CALU: variants seen among roughly 807,000 people sequenced by gnomAD.
CALU encodes the protein IEF SSP 9302.
In CALU, 13 loss-of-function variants were observed where a neutral mutation model predicts 37.5. The ratio of observed to expected loss-of-function variants is 0.35; its 90% CI spans 0.23 to 0.55. The LOEUF is 0.55. CALU is among the 20% of genes least tolerant of loss of function. The pLI is 0.89. For missense variants in CALU, 282 were observed against 391.7 expected, an observed-to-expected ratio of 0.72 and a Z score of 2.36; for synonymous variants, 114 against 133.8, an observed-to-expected ratio of 0.85 and a Z score of 1.02.
chr7:128,753,560 T>C (rs1211772697), intron 2 of CALU, among the ~76,000 whole-genome samples: 1 of 152,246 alleles, frequency 6.6e-6, no homozygotes, highest in Non-Finnish European at 1.5e-5. Context: ...TAATCAGATA[T>C]ACATTCTTAC....
Position 128,751,281 on chromosome 7 carries a change from C to T in CALU, c.221+2477C>T, listed in dbSNP as rs1245228645. Among the ~76,000 whole-genome samples the T allele has an allele frequency of 9.2e-5, 12 of 129,766 alleles. 1 individual carries two copies. The East Asian group carries it at 2.2e-3, about 24-fold the overall frequency. 85.1% of individuals were successfully genotyped at this position (129,766 alleles called of 152,430 possible). The stretch of plus-strand genomic sequence containing the variant: ...CCAGCCTGGCAACAAAGTGAGACTC[C>T]GTCTCAAAAAAAAAAAAAAAAAAAT... On this transcript the variant is annotated intron_variant, in intron 2 of 6. Transcript: ENST00000249364.
rs1419345129 is a variant in CALU at position 128,771,728 on chromosome 7, T to A, written c.*2561T>A. Reference sequence around the variant, plus strand: ...AGAGACCTGCTGCTCGTTATATAATTATCTGATACCAAACACAAGCGATTC... The same window carrying A: ...AGAGACCTGCTGCTCGTTATATAATAATCTGATACCAAACACAAGCGATTC... On this transcript the variant is annotated 3_prime_UTR_variant, in exon 7 of 7. Transcript: ENST00000249364. 2.0e-5 allele frequency: 3 copies of A among 152,234 alleles called. No homozygotes were observed. The highest frequency in any genetic ancestry group is 7.2e-5 in the African/African-American group (3 of 41,462). 9.4% of individuals were successfully genotyped at this position (152,234 alleles called of 1,614,324 possible). A position where few individuals can be genotyped will look rare whatever the true frequency, so the allele number is the denominator to read the frequency against.
chr7:128,755,687 T>C (rs1462723178), intron 3 of CALU, among the ~76,000 whole-genome samples: 2 of 152,240 alleles, frequency 1.3e-5, no homozygotes, highest in Non-Finnish European at 2.9e-5. Context: ...CTTGTAACAC[T>C]TGCCTGCTGC....
chr7:128,771,425 G>A lies in CALU; in HGVS notation c.*2258G>A, dbSNP rs980499712. The A allele has an allele frequency of 1.3e-5, 2 of 152,524 alleles. No individual in the cohort carries two copies. Among genetic ancestry groups the A allele is most frequent in the Non-Finnish European group, 2.9e-5 (2 of 68,032 alleles). 9.4% of individuals were successfully genotyped at this position (152,524 alleles called of 1,614,324 possible). On this transcript the variant is annotated 3_prime_UTR_variant, in exon 7 of 7. Coordinates refer to ENST00000249364, the MANE Select transcript of CALU (RefSeq NM_001219.5). ...GAGTGTAAACCAAGTTTTATATTCT[G>A]CAATGCGAACAGGTACCTATCTGTT...
intron 2 of CALU, among the ~76,000 whole-genome samples, chr7:128,751,158 C>T (rs553999171): frequency 4.0e-5 from 6 of 151,816 alleles, no homozygotes; most frequent in South Asian, 4.2e-4. Context: ...CCTGGTGGCG[C>T]GTGCCTGTAG....
At chr7:128,742,910 G>A (rs1800294239) in intron 1 of CALU, among the ~76,000 whole-genome samples, 1 of 152,016 alleles carries the variant, frequency 6.6e-6, no homozygotes, top group South Asian at 2.1e-4. Context: ...TAATCTTTTG[G>A]TTTGTGTCTA....
chr7:128,743,412 G>A (rs769565621), intron 1 of CALU, among the ~76,000 whole-genome samples: 4 of 152,122 alleles, frequency 2.6e-5, no homozygotes, highest in Non-Finnish European at 5.9e-5. Flanking sequence ...TGATCAGTAT[G>A]TATGGCCCAA....
chr7:128,750,347 T>C (rs1800625785), intron 2 of CALU, among the ~76,000 whole-genome samples: 1 of 152,044 alleles, frequency 6.6e-6, no homozygotes, highest in Non-Finnish European at 1.5e-5. Flanking sequence ...CAGAATTAAC[T>C]CTAAAATAAT....
rs757700595 is a variant in CALU at position 128,753,462 on chromosome 7, T to C, written c.222-800T>C. ...GACAGATCTGGAAGAAAGACACTTA[T>C]AAAGCTTCATAAAGCCACTGATTCT... is the stretch of plus-strand genomic sequence containing the variant. On this transcript the variant is annotated intron_variant, in intron 2 of 6. Transcript: ENST00000249364. 7.2e-5 allele frequency among the ~76,000 whole-genome samples: 11 copies of C among 152,382 alleles called. No homozygotes were observed. The East Asian group carries it at 1.2e-3, about 16-fold the overall frequency.
rs1801575486 is a variant in CALU, at chr7:128,771,800, T to G, written c.*2633T>G. 6.6e-6 allele frequency: 1 copy of G among 152,378 alleles called. No homozygotes were observed. The highest frequency in any genetic ancestry group is 1.5e-5 in the Non-Finnish European group (1 of 68,154). 9.4% of individuals were successfully genotyped at this position (152,378 alleles called of 1,614,324 possible). A position where few individuals can be genotyped will look rare whatever the true frequency, so the allele number is the denominator to read the frequency against. ...CTATAGAGCATAAGGTAAAACAATT[T>G]TGTTTAACATTTTGGTATTGTTTAC... On this transcript the variant is annotated 3_prime_UTR_variant, in exon 7 of 7. Transcript: ENST00000249364.
At chr7:128,767,397 A>G (rs943754181) in intron 5 of CALU, 59 bp from the exon 6 acceptor site, 9 of 1,317,930 alleles carry the variant, frequency 6.8e-6, no homozygotes, top group African/African-American at 2.9e-5. Context: ...CCAGATTAGC[A>G]TGAGGCAGTT....
chr7:128,745,496 T>C (rs1800397456), intron 1 of CALU, among the ~76,000 whole-genome samples: 1 of 152,040 alleles, frequency 6.6e-6, no homozygotes, highest in African/African-American at 2.4e-5. Context: ...TCCCAGCTAC[T>C]TGGGAGGCTG....
intron 1 of CALU, among the ~76,000 whole-genome samples, chr7:128,744,180 TG>T (rs1729410549): frequency 6.6e-6 from 1 of 152,232 alleles, no homozygotes; most frequent in South Asian, 2.1e-4. Context: ...CACTCCATCC[TG>T]GGCAACAGAG....
rs1051744572 is a variant in CALU at position 128,773,047 on chromosome 7, A to T, written c.*3880A>T. 1.3e-5 allele frequency among the ~76,000 whole-genome samples: 2 copies of T among 152,236 alleles called. No individual in the cohort carries two copies. The highest frequency in any genetic ancestry group is 4.8e-5 in the African/African-American group (2 of 41,462). ...CCTCTGGGATTGAGGAAACAATACC[A>T]TCTGAAAGTAGGGTTTTTGCCACTT... On this transcript the variant is annotated 3_prime_UTR_variant, in exon 7 of 7. Coordinates refer to ENST00000249364, the MANE Select transcript of CALU (RefSeq NM_001219.5).
intron 3 of CALU, among the ~76,000 whole-genome samples, chr7:128,757,392 T>C (rs935328300): frequency 4.6e-5 from 7 of 151,646 alleles, no homozygotes; most frequent in African/African-American, 1.5e-4. Context: ...TGTGTGTGTG[T>C]ACACAGGATC....
chr7:128,768,936 T>C (rs1801449527), intron 6 of CALU, 127 bp from the exon 7 acceptor site: 13 of 593,758 alleles, frequency 2.2e-5, no homozygotes, highest in Non-Finnish European at 3.7e-5. Context: ...GGCTGAGTAG[T>C]TCACACTTAA....
chr7:128,743,592 A>C (rs1800320515), intron 1 of CALU, among the ~76,000 whole-genome samples: 1 of 150,600 alleles, frequency 6.6e-6, no homozygotes, highest in African/African-American at 2.4e-5. Flanking sequence ...CATGATCATG[A>C]CTCACTGTAA....
At chr7:128,765,149 A>G (rs1014219207) in intron 5 of CALU, among the ~76,000 whole-genome samples, 1 of 152,120 alleles carries the variant, frequency 6.6e-6, no homozygotes, top group Non-Finnish European at 1.5e-5. Flanking sequence ...TCCTGGGCTC[A>G]AGAGCTCTAC....
At position 128,759,031 on chromosome 7, in the gene CALU, A is replaced by G. The variant is rs1252685561; in HGVS notation, c.576A>G (p.Val192=). 5.6e-6 allele frequency: 9 copies of G among 1,609,624 alleles called. No individual in the cohort carries two copies. The East Asian group carries it at 1.8e-4, about 32-fold the overall frequency. The change falls in exon 4 of 7, where the codon GTA becomes GTG. Residue 192 remains valine, a synonymous_variant. Coordinates refer to ENST00000249364, the MANE Select transcript of CALU (RefSeq NM_001219.5). ...AGTATGACTACATGAAAGATATAGT[A>G]GTACAGGTGGGTGAGATGAAGGATT... ...PEEYDYMKDI[V]VQETMEDIDK...
Sources: allele counts gnomAD v4.1 joint callset (sites outside exome capture counted in the v4.1 genomes callset), GRCh38; gene constraint gnomAD v4.1.1; transcripts MANE v1.5; gene names NCBI Gene and HGNC (gene_info 2026-07-23, HGNC 2026-07-21).